The following VTI1A variants were observed in gnomAD, a reference collection of about 807,000 sequenced individuals.
VTI1A encodes the protein vesicle transport through interaction with t-SNAREs 1A.
VTI1A carries 22 observed loss-of-function variants against 34.9 expected under a neutral mutation model. The ratio of observed to expected loss-of-function variants is 0.63; its 90% CI spans 0.45 to 0.90. VTI1A has a LOEUF of 0.90. Among genes scored for constraint, VTI1A ranks in the 40% least tolerant of loss-of-function variants. The pLI, the probability that VTI1A is intolerant of heterozygous loss-of-function variation, is 0.00. For synonymous variants in VTI1A, 87 were observed against 97.3 expected (o/e 0.89, Z 0.62); for missense variants, 268 against 275.6 (o/e 0.97, Z 0.20).
intron 1 of VTI1A, chr10:112,449,374 T>C (rs1847141092): frequency 6.6e-6 from 1 of 152,242 alleles, no homozygotes; most frequent in African/African-American, 2.4e-5. Flanking sequence ...AGAAAACAGA[T>C]CGTGTTACAA....
intron 3 of VTI1A, among the ~76,000 whole-genome samples, chr10:112,501,384 A>G (rs531747832): frequency 6.6e-6 from 1 of 151,954 alleles, no homozygotes; most frequent in South Asian, 2.1e-4. Context: ...CTGGTCTTTC[A>G]TGGTAAGCTA....
chr10:112,561,252 T>A (rs1249643038), intron 5 of VTI1A, among the ~76,000 whole-genome samples: 1 of 152,166 alleles, frequency 6.6e-6, no homozygotes, highest in Admixed American at 6.5e-5. Context: ...GCTGCATGCT[T>A]TAGTTATTGA....
intron 7 of VTI1A, among the ~76,000 whole-genome samples, chr10:112,773,059 A>C (rs1851859161): frequency 6.6e-6 from 1 of 152,224 alleles, no homozygotes; most frequent in Non-Finnish European, 1.5e-5. Context: ...ACCATAATTT[A>C]TATACGTCTC....
the VTI1A span, among the ~76,000 whole-genome samples, chr10:112,830,216 A>C: frequency 6.6e-6 from 1 of 152,066 alleles, no homozygotes; most frequent in South Asian, 2.1e-4. Context: ...AAAGCCTCTG[A>C]CTTGGCATAG....
intron 7 of VTI1A, among the ~76,000 whole-genome samples, chr10:112,709,018 C>T (rs182856446): frequency 1.3e-5 from 2 of 152,180 alleles, no homozygotes; most frequent in Non-Finnish European, 2.9e-5. Flanking sequence ...GGCCCTCCAG[C>T]GTCTATTGTC....
In VTI1A at chr10:112,509,158, T is replaced by C. The variant is rs1286900600; in HGVS notation, c.265-17929T>C. On this transcript the variant is annotated intron_variant, in intron 3 of 7. Coordinates refer to ENST00000393077, the MANE Select transcript of VTI1A (RefSeq NM_145206.4). Reference sequence around the variant, plus strand: ...GCATTCTCAATAATAATTGTTATAATCAGAGTAGTTGTTTTTAATTCCTAG... The same window carrying C: ...GCATTCTCAATAATAATTGTTATAACCAGAGTAGTTGTTTTTAATTCCTAG... Among the ~76,000 whole-genome samples, 5 of 152,318 alleles carry C rather than the reference T, an allele frequency of 3.3e-5. No individual in the cohort carries two copies. The South Asian group carries it at 1.0e-3, about 32-fold the overall frequency.
intron 7 of VTI1A, among the ~76,000 whole-genome samples, chr10:112,773,599 C>A (rs958393742): frequency 3.9e-5 from 6 of 152,178 alleles, no homozygotes; most frequent in African/African-American, 1.4e-4. Flanking sequence ...GAAGTGTTCA[C>A]CCTCAACACT....
At chr10:112,489,398 C>G (rs938108092) in intron 3 of VTI1A, among the ~76,000 whole-genome samples, 6 of 152,142 alleles carry the variant, frequency 3.9e-5, no homozygotes. Flanking sequence ...CTTCCCCCAA[C>G]CCCCCATTCT....
chr10:112,470,589 T>G (rs1292649610), intron 3 of VTI1A, among the ~76,000 whole-genome samples: 1 of 152,140 alleles, frequency 6.6e-6, no homozygotes, highest in Non-Finnish European at 1.5e-5. Context: ...CTGTTACCTT[T>G]AAAAGTGCTG....
Position 112,559,910 on chromosome 10 carries a change from C to A in VTI1A, c.427+21580C>A, listed in dbSNP as rs369258674. 5.7e-4 allele frequency among the ~76,000 whole-genome samples: 87 copies of A among 152,272 alleles called. 1 individual carries two copies. The South Asian group carries it at 0.016, about 29-fold the overall frequency. The stretch of plus-strand genomic sequence containing the variant: ...ACTGAAATGGAAAAGGTATTCTATT[C>A]TTTATAGTGCTGACCAGCCAGAGTG... On this transcript the variant is annotated intron_variant, in intron 5 of 7. Coordinates refer to ENST00000393077, the MANE Select transcript of VTI1A (RefSeq NM_145206.4).
At chr10:112,475,923 A>G (rs1021051140) in intron 3 of VTI1A, among the ~76,000 whole-genome samples, 1 of 152,222 alleles carries the variant, frequency 6.6e-6, no homozygotes, top group African/African-American at 2.4e-5. Context: ...TTGGCTGAAG[A>G]CACTGTGTTG....
chr10:112,737,062 CTTTT>C, intron 7 of VTI1A: 7 of 388,234 alleles, frequency 1.8e-5, no homozygotes, highest in Non-Finnish European at 1.8e-5. Context: ...AATTTTTTTT[CTTTT>C]TTTTTCTTTT....
intron 7 of VTI1A, among the ~76,000 whole-genome samples, chr10:112,720,500 T>C (rs1313675098): frequency 1.4e-4 from 22 of 152,228 alleles, no homozygotes; most frequent in Admixed American, 1.4e-3. Context: ...GCCATTTGTA[T>C]TTCTTCTTTG....
intron 5 of VTI1A, among the ~76,000 whole-genome samples, chr10:112,557,795 A>C (rs990258668): frequency 6.6e-6 from 1 of 152,122 alleles, no homozygotes; most frequent in Non-Finnish European, 1.5e-5. Flanking sequence ...CAAAATGCCC[A>C]CTGTGTATTT....
At chr10:112,771,556 A>C (rs1174527776) in intron 7 of VTI1A, among the ~76,000 whole-genome samples, 16 of 152,206 alleles carry the variant, frequency 1.1e-4, no homozygotes, top group Non-Finnish European at 1.9e-4. Flanking sequence ...TTGATACATA[A>C]TTCACAAAAC....
chr10:112,648,518 A>G (rs899926008), intron 5 of VTI1A, among the ~76,000 whole-genome samples: 1 of 152,188 alleles, frequency 6.6e-6, no homozygotes, highest in Non-Finnish European at 1.5e-5. Flanking sequence ...TTTAGGGTTA[A>G]CCAACAATGA....
In VTI1A at chr10:112,628,656, T is replaced by A. The variant is rs11813153; in HGVS notation, c.428-39562T>A. Reference sequence around the variant, plus strand: ...TGAGTTTGTTTATTTTTATAATGTCTGTTCTCCTAGTATTGGATCATCCAT... The same window carrying A: ...TGAGTTTGTTTATTTTTATAATGTCAGTTCTCCTAGTATTGGATCATCCAT... On this transcript the variant is annotated intron_variant, in intron 5 of 7. Coordinates refer to ENST00000393077, the MANE Select transcript of VTI1A (RefSeq NM_145206.4). Among the ~76,000 whole-genome samples the A allele has an allele frequency of 6.6e-3, 998 of 152,350 alleles. 12 individuals are homozygous for A. Among genetic ancestry groups the A allele is most frequent in the African/African-American group, 0.023 (936 of 41,578 alleles).
chr10:112,622,945 A>G (rs1845786615), intron 5 of VTI1A, among the ~76,000 whole-genome samples: 1 of 152,208 alleles, frequency 6.6e-6, no homozygotes, highest in Non-Finnish European at 1.5e-5. Context: ...AATGTGCTAT[A>G]TATCACTTTT....
At chr10:112,618,534 G>GAGAGAGAGAGAGAGAA (rs1554922606) in intron 5 of VTI1A, among the ~76,000 whole-genome samples, 53 of 128,822 alleles carry the variant, frequency 4.1e-4, no homozygotes, top group African/African-American at 1.3e-3. Flanking sequence ...TAGAGAGAGA[G>GAGAGAGAGAGAGAGAA]AGAGAGAGAG....
Sources: allele counts gnomAD v4.1 joint callset (sites outside exome capture counted in the v4.1 genomes callset), GRCh38; gene constraint gnomAD v4.1.1; transcripts MANE v1.5; gene names NCBI Gene and HGNC (gene_info 2026-07-23, HGNC 2026-07-21).